SAMMSON: variants seen among roughly 807,000 people sequenced by gnomAD.
SAMMSON encodes survival associated mitochondrial melanoma specific oncogenic non-coding RNA, also known as long intergenic non-protein coding RNA 1212.
intron 6 of SAMMSON, among the ~76,000 whole-genome samples, chr3:70,250,219 C>T (rs1701747925): frequency 6.6e-6 from 1 of 152,112 alleles, no homozygotes; most frequent in Non-Finnish European, 1.5e-5. Flanking sequence ...AGTTGGGCCT[C>T]TTAATTCTTC....
At chr3:70,319,117 G>C (rs1210537664) in intron 7 of SAMMSON, among the ~76,000 whole-genome samples, 1 of 152,034 alleles carries the variant, frequency 6.6e-6, no homozygotes, top group Non-Finnish European at 1.5e-5. Context: ...AAGACTATCT[G>C]TGGTGAACCC....
chr3:70,020,409 T>C (rs1435927714), intron 3 of SAMMSON, among the ~76,000 whole-genome samples: 2 of 152,180 alleles, frequency 1.3e-5, no homozygotes, highest in African/African-American at 4.8e-5. Context: ...ATTATGCAAA[T>C]GCTCTGGATT....
At chr3:70,052,543 G>C (rs1363069444) in intron 3 of SAMMSON, among the ~76,000 whole-genome samples, 1 of 152,082 alleles carries the variant, frequency 6.6e-6, no homozygotes, top group Non-Finnish European at 1.5e-5. Flanking sequence ...AGCAAAAATT[G>C]GTCAAATGTG....
intron 7 of SAMMSON, among the ~76,000 whole-genome samples, chr3:70,352,300 A>G (rs1415670194): frequency 1.3e-5 from 2 of 152,088 alleles, no homozygotes; most frequent in Non-Finnish European, 2.9e-5. Flanking sequence ...GCAGGTAATA[A>G]TTAAAAGGAG....
intron 4 of SAMMSON, among the ~76,000 whole-genome samples, chr3:70,208,276 T>C (rs1302434625): frequency 2.0e-5 from 3 of 152,198 alleles, no homozygotes; most frequent in Non-Finnish European, 2.9e-5. Flanking sequence ...ATAATGCTCA[T>C]TGAGTTACTG....
At chr3:70,097,351 A>AT (rs528345691) in intron 4 of SAMMSON, among the ~76,000 whole-genome samples, 54 of 152,356 alleles carry the variant, frequency 3.5e-4, no homozygotes, top group African/African-American at 1.3e-3. Context: ...TATTCCAAGT[A>AT]TTGGTTCTTT....
At chr3:70,038,396 G>T (rs2067094352) in intron 3 of SAMMSON, among the ~76,000 whole-genome samples, 1 of 151,944 alleles carries the variant, frequency 6.6e-6, no homozygotes, top group Non-Finnish European at 1.5e-5. Context: ...TCCACTTTCT[G>T]CCAGGAGTTG....
At chr3:70,394,767 A>G (rs890713836), downstream of SAMMSON, among the ~76,000 whole-genome samples, 1 of 152,168 alleles carries the variant, frequency 6.6e-6, no homozygotes, top group Non-Finnish European at 1.5e-5. Context: ...ATCGACATCA[A>G]TCCTTATAAA....
intron 3 of SAMMSON, among the ~76,000 whole-genome samples, chr3:70,037,627 C>G (rs981443035): frequency 6.6e-6 from 1 of 152,184 alleles, no homozygotes. Flanking sequence ...CCTTTCTTTT[C>G]CATCTCTTAA....
chr3:70,302,697 G>C (rs892307170), intron 7 of SAMMSON: 5 of 152,196 alleles, frequency 3.3e-5, no homozygotes, highest in African/African-American at 1.2e-4. Context: ...GGTGAGCTAA[G>C]ATCATTCTGG....
chr3:70,246,328 G>A (rs1403492717), intron 4 of SAMMSON, among the ~76,000 whole-genome samples: 1 of 152,040 alleles, frequency 6.6e-6, no homozygotes, highest in Non-Finnish European at 1.5e-5. Context: ...AACGTAAGCT[G>A]GAAAGAAACT....
intron 7 of SAMMSON, among the ~76,000 whole-genome samples, chr3:70,341,024 T>G (rs1192914885): frequency 6.6e-6 from 1 of 152,152 alleles, no homozygotes; most frequent in Non-Finnish European, 1.5e-5. Context: ...AGGGTGGCTG[T>G]GTAATTAAAA....
chr3:70,376,267 G>A (rs567719770), intron 9 of SAMMSON, among the ~76,000 whole-genome samples: 10 of 152,278 alleles, frequency 6.6e-5, no homozygotes, highest in South Asian at 4.1e-4. Flanking sequence ...TTAACTAAGC[G>A]TTGTCTCCAG....
intron 4 of SAMMSON, among the ~76,000 whole-genome samples, chr3:70,079,024 G>T (rs2067258805): frequency 1.3e-5 from 2 of 152,142 alleles, no homozygotes; most frequent in African/African-American, 4.8e-5. Context: ...ACTATCTATG[G>T]CTGCTTTTGC....
intron 4 of SAMMSON, among the ~76,000 whole-genome samples, chr3:70,081,392 C>T (rs539258731): frequency 6.6e-6 from 1 of 152,324 alleles, no homozygotes; most frequent in African/African-American, 2.4e-5. Flanking sequence ...GGATTACAGG[C>T]GTGAGCCACC....
intron 4 of SAMMSON, among the ~76,000 whole-genome samples, chr3:70,118,313 T>G (rs1396692765): frequency 6.6e-6 from 1 of 152,202 alleles, no homozygotes; most frequent in Non-Finnish European, 1.5e-5. Context: ...AGTAGTGACC[T>G]GAATTACCAG....
At chr3:70,077,406 G>GT (rs1196808961) in intron 4 of SAMMSON, among the ~76,000 whole-genome samples, 1 of 152,106 alleles carries the variant, frequency 6.6e-6, no homozygotes, top group Non-Finnish European at 1.5e-5. Context: ...AACACTATAT[G>GT]TTTTTTGAAG....
chr3:70,418,480 A>G (rs1399716993), intron 2 of SAMMSON, among the ~76,000 whole-genome samples: 1 of 152,184 alleles, frequency 6.6e-6, no homozygotes, highest in East Asian at 1.9e-4. Flanking sequence ...AATCCAGCCC[A>G]TCCTGAGTTT....
chr3:70,327,129 A>G (rs1170246763), intron 7 of SAMMSON, among the ~76,000 whole-genome samples: 2 of 152,194 alleles, frequency 1.3e-5, no homozygotes, highest in Non-Finnish European at 2.9e-5. Context: ...GAGTGCTGGG[A>G]TTACAGGAGT....
Sources: gnomAD v4.1 joint callset for allele counts (sites outside exome capture counted in the v4.1 genomes callset) on GRCh38, gnomAD v4.1.1 for gene constraint, MANE v1.5 for transcripts, NCBI Gene and HGNC (gene_info 2026-07-23, HGNC 2026-07-21) for gene names.